Variants in RBFOX1 observed in about 807,000 individuals in gnomAD.
RBFOX1 encodes RNA binding protein fox-1 homolog 1.
In RBFOX1, 8 loss-of-function variants were observed where a neutral mutation model predicts 57.7. That is an observed-to-expected ratio of 0.14 (90% CI 0.08 to 0.25). The LOEUF is 0.25. Among genes scored for constraint, RBFOX1 ranks in the 10% least tolerant of loss-of-function variants. The probability of loss-of-function intolerance (pLI) is 1.00; values close to 1 mark genes in which losing one functional copy is unlikely to be tolerated. For synonymous variants in RBFOX1, 326 were observed against 222.4 expected, an observed-to-expected ratio of 1.47 and a Z score of -4.15; for missense variants, 611 against 548.5, an observed-to-expected ratio of 1.11 and a Z score of -1.14.
chr16:6,958,939 A>C (rs2082390555), intron 3 of RBFOX1, among the ~76,000 whole-genome samples: 1 of 152,184 alleles, frequency 6.6e-6, no homozygotes, highest in Non-Finnish European at 1.5e-5. Context: ...TGACATAGGC[A>C]GCATGGTTCT....
chr16:5,939,029 G>A (rs1457506027), intron 4 of RBFOX1, among the ~76,000 whole-genome samples: 1 of 152,076 alleles, frequency 6.6e-6, no homozygotes, highest in Non-Finnish European at 1.5e-5. Context: ...ATTCATAGGT[G>A]GGAATTGAAC....
chr16:6,755,671 C>T (rs1309498345), intron 3 of RBFOX1, among the ~76,000 whole-genome samples: 1 of 152,128 alleles, frequency 6.6e-6, no homozygotes, highest in African/African-American at 2.4e-5. Context: ...CTTTTAATCA[C>T]TTTGCTATAA....
rs71145238 is a variant in RBFOX1, at chr16:6,506,624, ATTTTTTTTTTTTTTTTTTTTTTTT to A, written c.-63-147961_-63-147938del. On this transcript the variant is annotated intron_variant, in intron 2 of 15. Coordinates refer to ENST00000550418, the MANE Select transcript of RBFOX1 (RefSeq NM_018723.4). ...ACGGTAATAACAATCACAGTAGCTA[ATTTTTTTTTTTTTTTTTTTTTTTT>A]TTTTTTTTTTTTTTTTTGAGATGGA... Among the ~76,000 whole-genome samples, 107 of 98,460 alleles carry A rather than the reference ATTTTTTTTTTTTTTTTTTTTTTTT, an allele frequency of 1.1e-3. 1 individual carries two copies. Among genetic ancestry groups the A allele is most frequent in the African/African-American group, 3.9e-3 (89 of 22,972 alleles). 64.6% of individuals were successfully genotyped at this position (98,460 alleles called of 152,430 possible).
At chr16:6,180,440 C>A (rs770050271) in intron 1 of RBFOX1, among the ~76,000 whole-genome samples, 15 of 150,562 alleles carry the variant, frequency 1.0e-4, no homozygotes, top group Non-Finnish European at 1.5e-4. Context: ...CCCTTATAAT[C>A]CTTTCTATTC....
chr16:6,144,244 A>G (rs1442199327), intron 1 of RBFOX1, among the ~76,000 whole-genome samples: 1 of 151,934 alleles, frequency 6.6e-6, no homozygotes, highest in Admixed American at 6.6e-5. Flanking sequence ...TCTCTTTTTA[A>G]TTTTCTGTTA....
chr16:7,420,519 T>A (rs1339386536), intron 4 of RBFOX1, among the ~76,000 whole-genome samples: 1 of 152,194 alleles, frequency 6.6e-6, no homozygotes, highest in Non-Finnish European at 1.5e-5. Flanking sequence ...GTCTGATGTT[T>A]GAATCAACCA....
chr16:7,606,154 C>G (rs1002262261), intron 9 of RBFOX1, among the ~76,000 whole-genome samples: 29 of 138,422 alleles, frequency 2.1e-4, no homozygotes, highest in Admixed American at 1.6e-3. Flanking sequence ...GAGAGTCTCA[C>G]ACTGTCACCT....
At chr16:6,807,284 A>G (rs185513963) in intron 3 of RBFOX1, among the ~76,000 whole-genome samples, 2 of 152,116 alleles carry the variant, frequency 1.3e-5, no homozygotes, top group Non-Finnish European at 2.9e-5. Context: ...TGGGAACTAA[A>G]CAGCAGATTC....
intron 1 of RBFOX1, among the ~76,000 whole-genome samples, chr16:6,135,877 C>G (rs1447912651): frequency 1.3e-5 from 2 of 150,280 alleles, no homozygotes; most frequent in South Asian, 2.1e-4. Flanking sequence ...TCACTGTACC[C>G]TCTGCCTCCC....
chr16:5,321,228 C>T (rs961208977), intron 1 of RBFOX1, among the ~76,000 whole-genome samples: 4 of 152,136 alleles, frequency 2.6e-5, no homozygotes, highest in Admixed American at 2.6e-4. Context: ...AAAATGTCTC[C>T]AGACGTTGAA....
chr16:7,084,342 A>C (rs2059657655), intron 4 of RBFOX1, among the ~76,000 whole-genome samples: 1 of 151,902 alleles, frequency 6.6e-6, no homozygotes, highest in South Asian at 2.1e-4. Flanking sequence ...GGAGGAGGGA[A>C]GAAAGAAAAA....
intron 4 of RBFOX1, among the ~76,000 whole-genome samples, chr16:7,419,636 C>G (rs1034570258): frequency 2.0e-5 from 3 of 152,224 alleles, no homozygotes; most frequent in East Asian, 1.9e-4. Context: ...CTCCGCAGCC[C>G]TCAGGGACAT....
chr16:7,654,032 G>A, intron 12 of RBFOX1, 85 bp downstream of exon 12: 2 of 1,376,954 alleles, frequency 1.5e-6, no homozygotes. Context: ...GCGCATGATG[G>A]TCTTGACTCC....
At chr16:6,094,743 G>T (rs556182442) in intron 1 of RBFOX1, among the ~76,000 whole-genome samples, 7 of 152,216 alleles carry the variant, frequency 4.6e-5, no homozygotes, top group Admixed American at 2.0e-4. Flanking sequence ...ACCTCATAGT[G>T]TTGTTGTGAG....
intron 3 of RBFOX1, among the ~76,000 whole-genome samples, chr16:5,730,202 A>G (rs923849622): frequency 6.6e-6 from 1 of 152,200 alleles, no homozygotes; most frequent in Non-Finnish European, 1.5e-5. Context: ...GCCTACCACA[A>G]TTAGGGGAGC....
At chr16:7,203,026 T>A (rs1401910966) in intron 4 of RBFOX1, among the ~76,000 whole-genome samples, 1 of 152,188 alleles carries the variant, frequency 6.6e-6, no homozygotes, top group Non-Finnish European at 1.5e-5. Flanking sequence ...GACCTCGTGA[T>A]CCGCCTGCCT....
chr16:5,634,022 C>A (rs750931746), intron 3 of RBFOX1, among the ~76,000 whole-genome samples: 13 of 152,146 alleles, frequency 8.5e-5, no homozygotes, highest in Non-Finnish European at 1.9e-4. Flanking sequence ...AATGGTGTTT[C>A]CTCTACTGCC....
intron 1 of RBFOX1, among the ~76,000 whole-genome samples, chr16:5,407,257 TCC>T (rs1322412981): frequency 2.6e-5 from 4 of 152,112 alleles, no homozygotes; most frequent in Non-Finnish European, 5.9e-5. Flanking sequence ...TCCAGTCCCC[TCC>T]CACCAGGTCT....
At chr16:6,981,835 C>T (rs1041070511) in intron 3 of RBFOX1, among the ~76,000 whole-genome samples, 1 of 151,772 alleles carries the variant, frequency 6.6e-6, no homozygotes, top group African/African-American at 2.4e-5. Flanking sequence ...GGGACACAGC[C>T]AAGCCATATC....
Sources: allele counts gnomAD v4.1 joint callset (sites outside exome capture counted in the v4.1 genomes callset), GRCh38; gene constraint gnomAD v4.1.1; transcripts MANE v1.5; gene names NCBI Gene and HGNC (gene_info 2026-07-23, HGNC 2026-07-21).